Variants in SYT6 observed in about 807,000 individuals in gnomAD.
The protein encoded by SYT6 is synaptotagmin 6, also known as synaptotagmin-6.
A neutral mutation model predicts 38.4 loss-of-function variants in SYT6; 24 were observed. The ratio of observed to expected loss-of-function variants is 0.62; its 90% CI spans 0.45 to 0.88. The LOEUF (loss-of-function observed/expected upper bound fraction) is 0.88. Ranked by LOEUF, SYT6 falls within the 40% of genes least tolerant of loss-of-function variation. The probability of loss-of-function intolerance (pLI) is 0.00; values close to 1 mark genes in which losing one functional copy is unlikely to be tolerated. For synonymous variants in SYT6, 265 were observed against 241.9 expected (o/e 1.10, Z -0.89); for missense variants, 611 against 621.0 (o/e 0.98, Z 0.17).
intron 3 of SYT6, among the ~76,000 whole-genome samples, chr1:114,117,854 A>G (rs1677090529): frequency 6.6e-6 from 1 of 152,196 alleles, no homozygotes. Context: ...AGAGCATTGT[A>G]CCAGATGACC....
intron 6 of SYT6, among the ~76,000 whole-genome samples, chr1:114,096,960 C>T (rs767274217): frequency 7.5e-4 from 114 of 152,160 alleles, no homozygotes; most frequent in Non-Finnish European, 1.3e-3. Flanking sequence ...GGGACCACCA[C>T]GGTGATAGAA....
intron 1 of SYT6, among the ~76,000 whole-genome samples, chr1:114,149,194 T>TGAGAGA (rs144593044): frequency 1.3e-5 from 2 of 148,620 alleles, no homozygotes; most frequent in Non-Finnish European, 3.0e-5. Flanking sequence ...GAGGAATATC[T>TGAGAGA]GAGAGAGAGA....
chr1:114,092,836 C>A (rs10858032), intron 7 of SYT6, among the ~76,000 whole-genome samples: 56,110 of 151,984 alleles, frequency 0.37, 10,823 homozygotes, highest in East Asian at 0.52. Context: ...AGTCATAACC[C>A]CAGCAATATT....
At chr1:114,122,983 C>T (rs1461070587) in intron 3 of SYT6, among the ~76,000 whole-genome samples, 1 of 152,236 alleles carries the variant, frequency 6.6e-6, no homozygotes, top group East Asian at 1.9e-4. Context: ...CTGACTCACA[C>T]CTCCTTTTCT....
At chr1:114,131,482 T>C (rs1455835266) in intron 3 of SYT6, among the ~76,000 whole-genome samples, 1 of 152,226 alleles carries the variant, frequency 6.6e-6, no homozygotes, top group Non-Finnish European at 1.5e-5. Flanking sequence ...CTCCTAACAC[T>C]TCTGCACATC....
chr1:114,102,607 A>G (rs1464987845), intron 4 of SYT6, among the ~76,000 whole-genome samples: 1 of 151,824 alleles, frequency 6.6e-6, no homozygotes, highest in African/African-American at 2.4e-5. Context: ...AATAAAGAAT[A>G]CAAAGCAAAT....
chr1:114,153,251 G>T (rs1256434252), intron 1 of SYT6, among the ~76,000 whole-genome samples: 2 of 152,182 alleles, frequency 1.3e-5, no homozygotes, highest in East Asian at 3.9e-4. Context: ...CTCGTCTCCC[G>T]CTCTCTCCAT....
chr1:114,139,876 C>A lies in SYT6; in HGVS notation c.251G>T (p.Cys84Phe). Residue 84 changes from cysteine to phenylalanine, a missense_variant, in exon 2 of 8, where the codon TGC becomes TTC. Coordinates refer to ENST00000610222, the MANE Select transcript of SYT6 (RefSeq NM_001253772.2). ...CTCCTTGTTCCTCCAGGGCATCCAGCACAGCTTCCAAAAGAGAAAGAGAAA... is the reference window on the plus strand; with the variant it reads ...CTCCTTGTTCCTCCAGGGCATCCAGAACAGCTTCCAAAAGAGAAAGAGAAA... ...AVFLFLFWKL[C>F]WMPWRNKEAS... The A allele has an allele frequency of 6.4e-7, 1 of 1,556,188 alleles. No homozygotes were observed. The highest frequency in any genetic ancestry group is 1.2e-5 in the South Asian group (1 of 81,136).
intron 2 of SYT6, among the ~76,000 whole-genome samples, chr1:114,138,606 G>T (rs1296130496): frequency 6.6e-6 from 1 of 152,310 alleles, no homozygotes; most frequent in East Asian, 1.9e-4. Flanking sequence ...TAACCTCTCT[G>T]TGCCATAAAA....
chr1:114,097,759 A>G lies in SYT6; in HGVS notation c.1483T>C (p.Ser495Pro). ...YPRKPIAHWH[S>P]LVEVKKSFKE... ...AAGGATTTCTTTACCTCCACCAAGGAGTGCCAGTGTGCGATGGGCTTCCGG... is the reference window on the plus strand; with the variant it reads ...AAGGATTTCTTTACCTCCACCAAGGGGTGCCAGTGTGCGATGGGCTTCCGG... The change falls in exon 6 of 8, where the codon TCC (serine) becomes CCC (proline). Residue 495 changes from serine (S) to proline (P), a missense_variant. By Grantham distance (74) the Ser-to-Pro change is moderately conservative. Transcript: ENST00000610222. 1 of 1,614,172 alleles carries G rather than the reference A, an allele frequency of 6.2e-7. No homozygotes were observed.
intron 3 of SYT6, among the ~76,000 whole-genome samples, chr1:114,135,229 C>G (rs559098251): frequency 6.6e-6 from 1 of 152,094 alleles, no homozygotes; most frequent in Non-Finnish European, 1.5e-5. Context: ...CTTGTCCTGT[C>G]GAGTTATTTA....
intron 3 of SYT6, among the ~76,000 whole-genome samples, chr1:114,136,465 G>C (rs547498379): frequency 6.6e-6 from 1 of 152,346 alleles, no homozygotes; most frequent in Non-Finnish European, 1.5e-5. Context: ...GGTGCTTAGA[G>C]AGAGGACACT....
intron 3 of SYT6, among the ~76,000 whole-genome samples, chr1:114,134,740 G>A (rs1678376485): frequency 6.6e-6 from 1 of 152,220 alleles, no homozygotes; most frequent in South Asian, 2.1e-4. Context: ...GAAGCTGCCA[G>A]ATTCCTGAGC....
chr1:114,132,192 G>T (rs566066725), intron 3 of SYT6, among the ~76,000 whole-genome samples: 5 of 152,188 alleles, frequency 3.3e-5, no homozygotes, highest in African/African-American at 1.2e-4. Flanking sequence ...AATGACCAGC[G>T]CATCCCAGTA....
Position 114,089,565 on chromosome 1 carries a change from T to A in SYT6, c.*2569A>T, listed in dbSNP as rs1326015360. The A allele has an allele frequency of 6.6e-6, 1 of 152,336 alleles. No individual in the cohort carries two copies. The highest frequency in any genetic ancestry group is 1.5e-5 in the Non-Finnish European group (1 of 68,034). The allele number at this position is 152,336 out of a possible 1,614,324, so 9.4% of individuals were successfully genotyped here. The stretch of plus-strand genomic sequence containing the variant: ...AGCTCACAGCAACAACCCGAGAGGT[T>A]TCTCCGGCCAGAGAAAGCCAACAAA... On this transcript the variant is annotated 3_prime_UTR_variant, in exon 8 of 8. Coordinates refer to ENST00000610222, the MANE Select transcript of SYT6 (RefSeq NM_001253772.2).
chr1:114,122,950 C>T (rs1677508986), intron 3 of SYT6, among the ~76,000 whole-genome samples: 1 of 152,226 alleles, frequency 6.6e-6, no homozygotes, highest in East Asian at 1.9e-4. Context: ...GCCCGCCCAG[C>T]ACAGCTTGTC....
At chr1:114,092,265 C>T (rs890472231) in intron 7 of SYT6, among the ~76,000 whole-genome samples, 183 bp from the exon 8 acceptor site, 2 of 151,442 alleles carry the variant, frequency 1.3e-5, no homozygotes, top group Non-Finnish European at 2.9e-5. Context: ...TTTGGAATAC[C>T]TGATTTTCAA....
In SYT6 at chr1:114,103,587, G is replaced by C; in HGVS notation, c.1192+14C>G. ...TCTGGGCTGCTGGCAGGCCACTTGG[G>C]TTAAGAGAGGTACCTGAATAGCCTG... On this transcript the variant is annotated intron_variant, in intron 4 of 7. Coordinates refer to ENST00000610222, the MANE Select transcript of SYT6 (RefSeq NM_001253772.2). 6.2e-7 allele frequency: 1 copy of C among 1,614,016 alleles called. No individual in the cohort carries two copies. The highest frequency in any genetic ancestry group is 8.5e-7 in the Non-Finnish European group (1 of 1,179,938).
intron 4 of SYT6, among the ~76,000 whole-genome samples, chr1:114,099,860 C>T (rs1675858398): frequency 2.0e-5 from 3 of 152,088 alleles, no homozygotes. Context: ...CTCAATAATC[C>T]CATTTCCATT....
Sources: gnomAD v4.1 joint callset for allele counts (sites outside exome capture counted in the v4.1 genomes callset) on GRCh38, gnomAD v4.1.1 for gene constraint, MANE v1.5 for transcripts, NCBI Gene and HGNC (gene_info 2026-07-23, HGNC 2026-07-21) for gene names.